The following BICD1 variants were observed in gnomAD, a reference collection of about 807,000 sequenced individuals.
BICD1 encodes protein bicaudal D homolog 1.
A neutral mutation model predicts 92.5 loss-of-function variants in BICD1; 35 were observed. That is an observed-to-expected ratio of 0.38 (90% CI 0.29 to 0.50). The LOEUF (loss-of-function observed/expected upper bound fraction) is 0.50. Among genes scored for constraint, BICD1 ranks in the 20% least tolerant of loss-of-function variants. The pLI, the probability that BICD1 is intolerant of heterozygous loss-of-function variation, is 0.93. For missense variants in BICD1, 950 were observed against 1,189.8 expected (o/e 0.80, Z 2.97); for synonymous variants, 429 against 465.1 (o/e 0.92, Z 1.00).
At chr12:32,243,477 AT>A (rs1946293460) in intron 2 of BICD1, among the ~76,000 whole-genome samples, 1 of 152,028 alleles carries the variant, frequency 6.6e-6, no homozygotes, top group African/African-American at 2.4e-5. Context: ...CAGAAATATA[AT>A]TAAAAATAAT....
intron 1 of BICD1, among the ~76,000 whole-genome samples, chr12:32,213,505 C>T (rs1205746478): frequency 6.6e-6 from 1 of 152,164 alleles, no homozygotes; most frequent in Non-Finnish European, 1.5e-5. Context: ...AAGTGATTCT[C>T]CTGCCTCAGC....
chr12:32,137,378 C>T (rs569962061), intron 1 of BICD1, among the ~76,000 whole-genome samples: 2 of 152,202 alleles, frequency 1.3e-5, no homozygotes, highest in Admixed American at 6.5e-5. Context: ...CATGAGCCAC[C>T]GCACCTGGCC....
At chr12:32,202,135 A>C (rs1209364334) in intron 1 of BICD1, among the ~76,000 whole-genome samples, 1 of 152,230 alleles carries the variant, frequency 6.6e-6, no homozygotes, top group Admixed American at 6.5e-5. Flanking sequence ...ACAAAAAGAA[A>C]AACTAGGAAC....
At chr12:32,292,816 CT>C (rs1208863279) in intron 2 of BICD1, among the ~76,000 whole-genome samples, 5 of 152,100 alleles carry the variant, frequency 3.3e-5, no homozygotes, top group Non-Finnish European at 7.4e-5. Context: ...TAAAAGAAAA[CT>C]TTTATATCCC....
intron 1 of BICD1, among the ~76,000 whole-genome samples, chr12:32,111,396 T>C (rs1166732879): frequency 6.6e-6 from 1 of 152,200 alleles, no homozygotes; most frequent in Non-Finnish European, 1.5e-5. Context: ...ATTACCTAGA[T>C]TCATCTTTAA....
chr12:32,169,206 A>G (rs1369255810), intron 1 of BICD1, among the ~76,000 whole-genome samples: 1 of 152,188 alleles, frequency 6.6e-6, no homozygotes, highest in East Asian at 1.9e-4. Context: ...AAAAAGATCA[A>G]TGGAAAAATT....
intron 2 of BICD1, among the ~76,000 whole-genome samples, chr12:32,274,330 A>G (rs1370360971): frequency 6.6e-6 from 1 of 152,178 alleles, no homozygotes; most frequent in African/African-American, 2.4e-5. Flanking sequence ...TAGTTACCCT[A>G]TTGTACTCAC....
rs144737731 is a variant in BICD1, at chr12:32,161,332, G to A, written c.213+53788G>A. On this transcript the variant is annotated intron_variant, in intron 1 of 9. Transcript: ENST00000652176. ...TGATTCAACCAGAGACACAGACTCC[G>A]TTAATGGTATGTCAATATGACCAAT... is the stretch of plus-strand genomic sequence containing the variant. 2.1e-3 allele frequency among the ~76,000 whole-genome samples: 317 copies of A among 152,274 alleles called. 1 individual carries two copies. The highest frequency in any genetic ancestry group is 7.2e-3 in the African/African-American group (301 of 41,556).
intron 9 of BICD1, among the ~76,000 whole-genome samples, chr12:32,370,032 T>TA (rs766227432): frequency 2.0e-5 from 3 of 152,166 alleles, no homozygotes; most frequent in African/African-American, 2.4e-5. Context: ...AAGAAAGGTT[T>TA]TTCGCTAATG....
intron 2 of BICD1, 124 bp downstream of exon 2, chr12:32,216,583 A>G: frequency 1.1e-6 from 1 of 942,960 alleles, no homozygotes; most frequent in South Asian, 1.8e-5. Context: ...GAAACTACTA[A>G]TACTGAGCTA....
intron 8 of BICD1, among the ~76,000 whole-genome samples, chr12:32,364,740 C>T (rs1342874783): frequency 6.6e-6 from 1 of 152,070 alleles, no homozygotes; most frequent in Non-Finnish European, 1.5e-5. Context: ...TGCTTGAGGC[C>T]CGGAGTTCAA....
At chr12:32,155,224 G>A (rs568569189) in intron 1 of BICD1, among the ~76,000 whole-genome samples, 1 of 152,066 alleles carries the variant, frequency 6.6e-6, no homozygotes, top group Non-Finnish European at 1.5e-5. Context: ...TTATTTCAAC[G>A]GCACAAGCAA....
intron 3 of BICD1, among the ~76,000 whole-genome samples, chr12:32,304,005 T>C (rs11051916): frequency 0.17 from 25,619 of 151,154 alleles, 2,765 homozygotes; most frequent in African/African-American, 0.3. Flanking sequence ...AACCAGGAGG[T>C]AGAGCTTGCA....
intron 1 of BICD1, among the ~76,000 whole-genome samples, chr12:32,150,836 A>G (rs1053167644): frequency 6.6e-6 from 1 of 152,336 alleles, no homozygotes; most frequent in Admixed American, 6.5e-5. Context: ...TGCAGAGACA[A>G]GAACCCCTTC....
intron 2 of BICD1, among the ~76,000 whole-genome samples, chr12:32,248,714 T>C (rs915189320): frequency 6.6e-6 from 1 of 152,158 alleles, no homozygotes; most frequent in East Asian, 1.9e-4. Flanking sequence ...GTTCAGGTTC[T>C]TGTCTCACAA....
At chr12:32,245,256 T>TG (rs1555155790) in intron 2 of BICD1, among the ~76,000 whole-genome samples, 2 of 68,502 alleles carry the variant, frequency 2.9e-5, no homozygotes, top group South Asian at 4.7e-4. Flanking sequence ...TTTTGTTTTT[T>TG]TTTTTTTTGA....
rs1338316684 is a variant in BICD1 at position 32,294,074 on chromosome 12, T to C, written c.507T>C (p.Leu169=). ...REYKFREARL[L]QDYTELEEEN... The stretch of plus-strand genomic sequence containing the variant: ...ATAAGTTCCGGGAGGCACGGCTCCT[T>C]CAGGACTATACTGAATTGGAAGAAG... Residue 169 remains leucine (L), a synonymous_variant, in exon 3 of 10, where the codon CTT becomes CTC. Transcript: ENST00000652176. 8 of 1,612,792 alleles carry C rather than the reference T, an allele frequency of 5.0e-6. No individual in the cohort carries two copies. Among genetic ancestry groups the C allele is most frequent in the South Asian group, 1.1e-5 (1 of 90,634 alleles).
At position 32,337,611 on chromosome 12, in the gene BICD1, G is replaced by A. The variant is rs200892811; in HGVS notation, c.2365G>A (p.Ala789Thr). ...ACGAATGGCTATCCAGCAAAAACTC[G>A]CCCTGACCCAGAGGCTGGAGGACTT... Reference protein sequence around the residue: ...LLRMAIQQKLALTQRLEDLEF... With the variant: ...LLRMAIQQKLTLTQRLEDLEF... Residue 789 changes from alanine to threonine, a missense_variant, in exon 7 of 10, where the codon GCC becomes ACC. Transcript: ENST00000652176. This position sits in a 1 kb window ranked among gnomAD's most constrained non-coding sequence, Gnocchi z 4.7. 60 of 1,614,018 alleles carry A rather than the reference G, an allele frequency of 3.7e-5. No individual in the cohort carries two copies. The highest frequency in any genetic ancestry group is 4.5e-5 in the Non-Finnish European group (53 of 1,180,028).
intron 1 of BICD1, among the ~76,000 whole-genome samples, chr12:32,174,205 TAC>T (rs1265122979): frequency 6.6e-6 from 1 of 152,226 alleles, no homozygotes; most frequent in Non-Finnish European, 1.5e-5. Context: ...GTATGATGTC[TAC>T]AGAGTCAGAT....
Sources: gnomAD v4.1 joint callset for allele counts (sites outside exome capture counted in the v4.1 genomes callset) on GRCh38, gnomAD v4.1.1 for gene constraint, Gnocchi (gnomAD v3.1) non-coding constraint, MANE v1.5 for transcripts, NCBI Gene and HGNC (gene_info 2026-07-23, HGNC 2026-07-21) for gene names.